SUPT3H: variants seen among roughly 807,000 people sequenced by gnomAD.
SUPT3H encodes the protein SPT3 homolog, SAGA and STAGA complex component.
In SUPT3H, 44 loss-of-function variants were observed where a neutral mutation model predicts 44.3. The observed-to-expected ratio is 0.99, with a 90% confidence interval of 0.78 to 1.28. The LOEUF (loss-of-function observed/expected upper bound fraction) is 1.28. SUPT3H is among the 50% of genes most tolerant of loss of function. SUPT3H has a pLI of 0.00. For missense variants in SUPT3H, 380 were observed against 387.1 expected (o/e 0.98, Z 0.15); for synonymous variants, 124 against 125.6 (o/e 0.99, Z 0.09).
chr6:45,160,482 G>A (rs1391394424), intron 2 of SUPT3H, among the ~76,000 whole-genome samples: 1 of 152,020 alleles, frequency 6.6e-6, no homozygotes, highest in Non-Finnish European at 1.5e-5. Flanking sequence ...GAATGAGCAC[G>A]ACACACACAG....
At chr6:45,367,658 C>T (rs950704404) in intron 1 of SUPT3H, among the ~76,000 whole-genome samples, 4 of 152,264 alleles carry the variant, frequency 2.6e-5, no homozygotes, top group Admixed American at 2.6e-4. Flanking sequence ...TAAGTAGTAA[C>T]CCCAGCCTCC....
intron 6 of SUPT3H, among the ~76,000 whole-genome samples, chr6:44,968,236 T>C (rs1038796633): frequency 7.2e-5 from 11 of 152,232 alleles, no homozygotes; most frequent in East Asian, 3.8e-4. Context: ...GCATTGGTTG[T>C]TGAACTTGAA....
intron 6 of SUPT3H, among the ~76,000 whole-genome samples, chr6:45,000,027 T>C (rs1352037576): frequency 6.6e-6 from 1 of 151,964 alleles, no homozygotes; most frequent in East Asian, 1.9e-4. Context: ...GCATAGTGTA[T>C]ACATGTATGT....
At chr6:45,149,645 CAAT>C (rs1348606331) in intron 2 of SUPT3H, among the ~76,000 whole-genome samples, 1 of 152,072 alleles carries the variant, frequency 6.6e-6, no homozygotes, top group African/African-American at 2.4e-5. Context: ...GAACTCACAT[CAAT>C]GTCTTTAAAT....
At chr6:44,961,082 G>T (rs949524448) in intron 7 of SUPT3H, among the ~76,000 whole-genome samples, 1 of 151,894 alleles carries the variant, frequency 6.6e-6, no homozygotes, top group Non-Finnish European at 1.5e-5. Context: ...CCTTTACCCC[G>T]AGAGCCTTAG....
chr6:44,982,567 T>G (rs889136730), intron 6 of SUPT3H, among the ~76,000 whole-genome samples: 4 of 152,174 alleles, frequency 2.6e-5, no homozygotes, highest in African/African-American at 9.7e-5. Context: ...GGGTCCTAAC[T>G]TCTGGTAAAC....
chr6:45,263,198 G>A lies in SUPT3H; in HGVS notation c.101+102003C>T, dbSNP rs547422690. 3.9e-5 allele frequency among the ~76,000 whole-genome samples: 6 copies of A among 152,228 alleles called. No individual in the cohort carries two copies. In the South Asian group the frequency reaches 1.0e-3, roughly 26 times the overall value. The stretch of plus-strand genomic sequence containing the variant: ...CACTGGCACACATATGTTCAGCACA[G>A]CAGGGTTCATAACTGCAAAGACATG... On this transcript the variant is annotated intron_variant, in intron 2 of 10. Transcript: ENST00000371459.
At position 45,051,719 on chromosome 6, in the gene SUPT3H, C is replaced by A. The variant is rs188119218; in HGVS notation, c.187-31087G>T. ...TTTAACCAGTGTTGAGTATTGCCAG[C>A]TGAATAAGACAAATGAAATGAGGCC... On this transcript the variant is annotated intron_variant, in intron 3 of 10. Transcript: ENST00000371459. 1.2e-3 allele frequency among the ~76,000 whole-genome samples: 186 copies of A among 152,140 alleles called. 1 individual carries two copies. The highest frequency in any genetic ancestry group is 2.2e-3 in the Non-Finnish European group (153 of 68,006).
At chr6:45,373,711 C>T (rs1024507583) in intron 1 of SUPT3H, among the ~76,000 whole-genome samples, 2 of 152,026 alleles carry the variant, frequency 1.3e-5, no homozygotes, top group African/African-American at 2.4e-5. Context: ...CCACCATGCC[C>T]GGCTAATTTT....
At chr6:44,930,210 C>A (rs1051305136) in intron 10 of SUPT3H, among the ~76,000 whole-genome samples, 6 of 152,034 alleles carry the variant, frequency 3.9e-5, no homozygotes, top group African/African-American at 1.2e-4. Flanking sequence ...AACCCCGTCT[C>A]TACTAAAAAA....
At position 44,878,620 on chromosome 6, in the gene SUPT3H, CG is replaced by C. The variant is rs1264049313; in HGVS notation, c.913-48764del. On this transcript the variant is annotated intron_variant, in intron 10 of 10. Coordinates refer to ENST00000371459, the MANE Select transcript of SUPT3H (RefSeq NM_003599.4). ...TAATATAAAATGGTATAGCTGCTCT[CG>C]GGTGTGGATGGCAAGATGGCTGAAT... is the stretch of plus-strand genomic sequence containing the variant. Among the ~76,000 whole-genome samples the C allele has an allele frequency of 5.3e-5, 8 of 152,186 alleles. No individual in the cohort carries two copies. The East Asian group carries it at 1.5e-3, about 29-fold the overall frequency.
intron 2 of SUPT3H, among the ~76,000 whole-genome samples, chr6:45,133,084 AAC>A (rs1325113033): frequency 6.6e-6 from 1 of 152,194 alleles, no homozygotes; most frequent in African/African-American, 2.4e-5. Context: ...AGACAAAATT[AAC>A]AGTTATGACC....
At chr6:45,288,247 A>T (rs1779635218) in intron 2 of SUPT3H, among the ~76,000 whole-genome samples, 1 of 152,034 alleles carries the variant, frequency 6.6e-6, no homozygotes, top group Non-Finnish European at 1.5e-5. Flanking sequence ...CTGACAACTA[A>T]AAAGGGCTGA....
At chr6:45,094,322 A>G (rs972913253) in intron 3 of SUPT3H, among the ~76,000 whole-genome samples, 1 of 152,164 alleles carries the variant, frequency 6.6e-6, no homozygotes, top group Non-Finnish European at 1.5e-5. Flanking sequence ...CTGATGCAAG[A>G]AAAGAAACAC....
intron 10 of SUPT3H, among the ~76,000 whole-genome samples, chr6:44,904,286 A>T (rs1313775700): frequency 1.3e-5 from 2 of 152,208 alleles, no homozygotes; most frequent in Non-Finnish European, 2.9e-5. Flanking sequence ...TCTCAGCCCC[A>T]AATCTCCTTA....
intron 2 of SUPT3H, among the ~76,000 whole-genome samples, chr6:45,233,566 T>C (rs1376202781): frequency 6.6e-6 from 1 of 152,212 alleles, no homozygotes; most frequent in African/African-American, 2.4e-5. Context: ...TCACTTACTC[T>C]TTCACCACAA....
intron 10 of SUPT3H, among the ~76,000 whole-genome samples, chr6:44,925,998 A>G (rs1769461563): frequency 6.6e-6 from 1 of 152,158 alleles, no homozygotes; most frequent in Non-Finnish European, 1.5e-5. Context: ...TGTATTCTTT[A>G]TATATTCAGG....
intron 2 of SUPT3H, among the ~76,000 whole-genome samples, chr6:45,308,712 G>A (rs1783486769): frequency 6.7e-6 from 1 of 148,814 alleles, no homozygotes; most frequent in Non-Finnish European, 1.5e-5. Context: ...TGCAAGTTGT[G>A]CACATGTACC....
intron 10 of SUPT3H, among the ~76,000 whole-genome samples, chr6:44,926,783 T>A (rs1769580209): frequency 1.3e-5 from 2 of 152,204 alleles, no homozygotes; most frequent in Non-Finnish European, 2.9e-5. Context: ...GTGCAGTGCA[T>A]GATGCATGAG....
Sources: allele counts gnomAD v4.1 joint callset (sites outside exome capture counted in the v4.1 genomes callset), GRCh38; gene constraint gnomAD v4.1.1; transcripts MANE v1.5; gene names NCBI Gene and HGNC (gene_info 2026-07-23, HGNC 2026-07-21).